Variants in WDPCP observed in about 807,000 individuals in gnomAD.
The protein encoded by WDPCP is WD repeat-containing and planar cell polarity effector protein fritz homolog.
WDPCP carries 71 observed loss-of-function variants against 93.1 expected under a neutral mutation model. That is an observed-to-expected ratio of 0.76 (90% CI 0.63 to 0.93). The LOEUF (loss-of-function observed/expected upper bound fraction) is 0.93, where lower values mean the gene tolerates loss of function less well. WDPCP is among the 40% of genes least tolerant of loss of function. WDPCP has a pLI of 0.00. For synonymous variants in WDPCP, 315 were observed against 315.0 expected (o/e 1.00, Z 0.00); for missense variants, 844 against 887.4 (o/e 0.95, Z 0.62).
intron 1 of WDPCP, among the ~76,000 whole-genome samples, chr2:63,818,021 T>C (rs1256722702): frequency 6.6e-6 from 1 of 152,228 alleles, no homozygotes; most frequent in Non-Finnish European, 1.5e-5. Context: ...AGTCATCACA[T>C]TTTATCCATA....
chr2:63,714,055 CT>C (rs747120283), intron 2 of WDPCP, among the ~76,000 whole-genome samples: 313 of 135,032 alleles, frequency 2.3e-3, no homozygotes, highest in Middle Eastern at 0.019. Context: ...CTTTTTTATT[CT>C]TTTTTTTTTT....
intron 12 of WDPCP, among the ~76,000 whole-genome samples, chr2:63,377,466 GACAT>G (rs1180175161): frequency 6.6e-6 from 1 of 150,580 alleles, no homozygotes; most frequent in Middle Eastern, 3.5e-3. Context: ...AACATACACA[GACAT>G]ACATATGTAT....
At chr2:63,734,602 G>C (rs1288941722) in intron 2 of WDPCP, among the ~76,000 whole-genome samples, 1 of 152,160 alleles carries the variant, frequency 6.6e-6, no homozygotes, top group Non-Finnish European at 1.5e-5. Flanking sequence ...TCCATCTACA[G>C]AGTTAGTGTT....
At chr2:63,570,771 T>C (rs1457258165) in intron 1 of WDPCP, among the ~76,000 whole-genome samples, 1 of 152,244 alleles carries the variant, frequency 6.6e-6, no homozygotes, top group African/African-American at 2.4e-5. Flanking sequence ...CATATGCTAG[T>C]CATGAAGTTT....
chr2:63,183,385 C>A (rs1184855896), intron 14 of WDPCP, among the ~76,000 whole-genome samples: 2 of 151,836 alleles, frequency 1.3e-5, no homozygotes, highest in African/African-American at 2.4e-5. Context: ...TGTCTTTGAC[C>A]TAAAGACCAT....
chr2:63,593,085 T>G (rs4671518), upstream of WDPCP: 29,598 of 151,664 alleles, frequency 0.2, 3,676 homozygotes, highest in Non-Finnish European at 0.25. Context: ...ACACTTTTTG[T>G]TTTTTTTGTT....
intron 13 of WDPCP, among the ~76,000 whole-genome samples, chr2:63,260,296 G>A (rs921229242): frequency 2.0e-5 from 3 of 152,192 alleles, no homozygotes; most frequent in African/African-American, 4.8e-5. Flanking sequence ...TTTTTGCTAC[G>A]CGGAATGATT....
intron 10 of WDPCP, among the ~76,000 whole-genome samples, chr2:63,395,243 T>C (rs554997552): frequency 6.6e-6 from 1 of 152,216 alleles, no homozygotes; most frequent in East Asian, 1.9e-4. Context: ...CTAAAAAATG[T>C]TTTTTATAGA....
At chr2:63,335,869 G>C (rs1280428987) in intron 12 of WDPCP, among the ~76,000 whole-genome samples, 2 of 152,158 alleles carry the variant, frequency 1.3e-5, no homozygotes, top group East Asian at 3.8e-4. Flanking sequence ...GATAAAACAG[G>C]TTGCAGTAAA....
At chr2:63,550,097 T>A (rs1440705604) in intron 1 of WDPCP, among the ~76,000 whole-genome samples, 1 of 151,944 alleles carries the variant, frequency 6.6e-6, no homozygotes, top group Non-Finnish European at 1.5e-5. Context: ...AACTTAGTTC[T>A]GCCATTATAC....
intron 12 of WDPCP, among the ~76,000 whole-genome samples, chr2:63,355,902 CA>C (rs897500498): frequency 2.6e-5 from 4 of 151,876 alleles, no homozygotes; most frequent in African/African-American, 7.3e-5. Flanking sequence ...AACAAACAAA[CA>C]AAAAAACCCC....
chr2:63,569,497 C>T (rs1282208236), intron 1 of WDPCP, among the ~76,000 whole-genome samples: 2 of 151,938 alleles, frequency 1.3e-5, no homozygotes, highest in African/African-American at 4.8e-5. Flanking sequence ...AAAGATCCAG[C>T]AAAATGGGAA....
chr2:63,676,352 A>G (rs1331951866), intron 2 of WDPCP, among the ~76,000 whole-genome samples: 1 of 152,224 alleles, frequency 6.6e-6, no homozygotes, highest in African/African-American at 2.4e-5. Context: ...AAAAGCCCAC[A>G]AAGGAGGAGT....
intron 9 of WDPCP, among the ~76,000 whole-genome samples, chr2:63,428,064 C>T (rs1696452158): frequency 6.6e-6 from 1 of 151,432 alleles, no homozygotes; most frequent in African/African-American, 2.4e-5. Flanking sequence ...TAATGTGTTC[C>T]GAAATTGAAT....
intron 14 of WDPCP, among the ~76,000 whole-genome samples, chr2:63,189,803 G>C (rs1228101567): frequency 6.6e-6 from 1 of 152,134 alleles, no homozygotes; most frequent in Non-Finnish European, 1.5e-5. Context: ...AGGATGAAAA[G>C]TGTAGTAGGT....
chr2:63,157,967 TTTC>T (rs759699095), intron 15 of WDPCP, among the ~76,000 whole-genome samples: 9 of 152,134 alleles, frequency 5.9e-5, no homozygotes, highest in Non-Finnish European at 1.0e-4. Flanking sequence ...GACTGAGGCA[TTTC>T]TTCTTTTCTC....
At chr2:63,831,483 T>C (rs1210600845), upstream of WDPCP, among the ~76,000 whole-genome samples, 1 of 152,204 alleles carries the variant, frequency 6.6e-6, no homozygotes, top group Non-Finnish European at 1.5e-5. Flanking sequence ...ATAAAGAATA[T>C]CTTTGTCAAT....
intron 3 of WDPCP, chr2:63,595,125 T>G: frequency 2.4e-6 from 1 of 418,794 alleles, no homozygotes; most frequent in Non-Finnish European, 4.4e-6. Flanking sequence ...ATACAGCTAT[T>G]AACAATAAGA....
At position 63,136,998 on chromosome 2, in the gene WDPCP, G is replaced by A. The variant is rs140763757; in HGVS notation, c.2191-14942C>T. 5.6e-3 allele frequency among the ~76,000 whole-genome samples: 859 copies of A among 152,092 alleles called. 10 individuals carry two copies. Among genetic ancestry groups the A allele is most frequent in the African/African-American group, 0.02 (813 of 41,460 alleles). On this transcript the variant is annotated intron_variant, in intron 17 of 17. Coordinates refer to ENST00000272321, the MANE Select transcript of WDPCP (RefSeq NM_015910.7). ...AGGTTGACTCCATGTCTTTGCTATT[G>A]TGACTAGTGCTGCAATGAACATATG...
Sources: allele counts gnomAD v4.1 joint callset (sites outside exome capture counted in the v4.1 genomes callset), GRCh38; gene constraint gnomAD v4.1.1; transcripts MANE v1.5; gene names NCBI Gene and HGNC (gene_info 2026-07-23, HGNC 2026-07-21).